PPARGC1A: variants seen among roughly 807,000 people sequenced by gnomAD.
PPARGC1A encodes peroxisome proliferator-activated receptor gamma coactivator 1-alpha.
In PPARGC1A, 25 loss-of-function variants were observed where a neutral mutation model predicts 88.7. The ratio of observed to expected loss-of-function variants is 0.28; its 90% CI spans 0.21 to 0.39. The LOEUF is 0.39. Among genes scored for constraint, PPARGC1A ranks in the 10% least tolerant of loss-of-function variants. The probability of loss-of-function intolerance (pLI) is 1.00; values close to 1 mark genes in which losing one functional copy is unlikely to be tolerated. For missense variants in PPARGC1A, 880 were observed against 968.7 expected (o/e 0.91, Z 1.22); for synonymous variants, 363 against 355.6 (o/e 1.02, Z -0.24).
chr4:24,340,470 T>A, the PPARGC1A span, among the ~76,000 whole-genome samples: 1 of 152,188 alleles, frequency 6.6e-6, no homozygotes, highest in Admixed American at 6.5e-5. Context: ...TTAAGAACTG[T>A]ATAGTACTCT....
At chr4:24,407,281 A>G in the PPARGC1A span, among the ~76,000 whole-genome samples, 12 of 152,302 alleles carry the variant, frequency 7.9e-5, no homozygotes, top group Non-Finnish European at 1.5e-5. Flanking sequence ...TTTTCTTTAA[A>G]ATAAAATTGT....
the PPARGC1A span, among the ~76,000 whole-genome samples, chr4:23,981,025 C>G: frequency 3.3e-5 from 5 of 152,130 alleles, no homozygotes; most frequent in South Asian, 1.0e-3. Flanking sequence ...TGTAATTTCT[C>G]CCTTGTCTCT....
the PPARGC1A span, among the ~76,000 whole-genome samples, chr4:24,069,702 C>T: frequency 6.6e-6 from 1 of 152,144 alleles, no homozygotes; most frequent in Non-Finnish European, 1.5e-5. Context: ...TAGGAGTCCA[C>T]ATGTAGAATA....
chr4:24,046,818 C>T, the PPARGC1A span, among the ~76,000 whole-genome samples: 1 of 152,144 alleles, frequency 6.6e-6, no homozygotes, highest in Non-Finnish European at 1.5e-5. Flanking sequence ...CATGCTGCCT[C>T]TCAAGCCGTG....
chr4:24,366,813 C>T, the PPARGC1A span, among the ~76,000 whole-genome samples: 1 of 152,130 alleles, frequency 6.6e-6, no homozygotes, highest in Non-Finnish European at 1.5e-5. Context: ...TGATAAAACG[C>T]CATAGAGATG....
the PPARGC1A span, among the ~76,000 whole-genome samples, chr4:24,446,375 T>C: frequency 4.2e-3 from 640 of 152,284 alleles, 5 homozygotes; most frequent in African/African-American, 0.015. Context: ...TTGTGTGTCT[T>C]CTTCGGAGAA....
chr4:24,121,741 T>G, the PPARGC1A span, among the ~76,000 whole-genome samples: 165 of 152,332 alleles, frequency 1.1e-3, no homozygotes, highest in African/African-American at 3.7e-3. Flanking sequence ...ATTATACTCC[T>G]GAGTTTAGGT....
the PPARGC1A span, among the ~76,000 whole-genome samples, chr4:24,182,668 T>C: frequency 6.6e-6 from 1 of 152,192 alleles, no homozygotes. Flanking sequence ...TGTTGTCTCC[T>C]GACTTTTTGA....
the PPARGC1A span, among the ~76,000 whole-genome samples, chr4:24,140,786 C>T: frequency 6.6e-6 from 1 of 152,182 alleles, no homozygotes; most frequent in African/African-American, 2.4e-5. Flanking sequence ...AAACCCCCAG[C>T]TCCTGATGAA....
chr4:24,467,870 T>C, the PPARGC1A span, among the ~76,000 whole-genome samples: 1 of 152,004 alleles, frequency 6.6e-6, no homozygotes. Flanking sequence ...GTCTGGAAAA[T>C]TTGGGAAGTG....
chr4:24,043,535 C>T, the PPARGC1A span, among the ~76,000 whole-genome samples: 1 of 152,074 alleles, frequency 6.6e-6, no homozygotes, highest in African/African-American at 2.4e-5. Context: ...TCATCTTTTC[C>T]CTCTACCAAT....
At chr4:24,435,162 A>G in the PPARGC1A span, among the ~76,000 whole-genome samples, 1 of 152,074 alleles carries the variant, frequency 6.6e-6, no homozygotes, top group Non-Finnish European at 1.5e-5. Context: ...ATACAGCCCT[A>G]TACCTAGACT....
At chr4:24,159,665 CCATCA>C in the PPARGC1A span, among the ~76,000 whole-genome samples, 1 of 152,066 alleles carries the variant, frequency 6.6e-6, no homozygotes, top group African/African-American at 2.4e-5. Context: ...ATGCAAATGC[CCATCA>C]CAAACAAGTC....
At chr4:24,278,402 T>G in the PPARGC1A span, among the ~76,000 whole-genome samples, 1 of 152,286 alleles carries the variant, frequency 6.6e-6, no homozygotes, top group South Asian at 2.1e-4. Flanking sequence ...GCTAATAAGA[T>G]GTATTTATTT....
At chr4:23,849,507 A>G (rs1728901097) in intron 2 of PPARGC1A, among the ~76,000 whole-genome samples, 1 of 152,226 alleles carries the variant, frequency 6.6e-6, no homozygotes, top group Admixed American at 6.5e-5. Context: ...CAAAACTGTC[A>G]TTTAAAAAAT....
At chr4:23,902,388 G>C (rs185326917), upstream of PPARGC1A, among the ~76,000 whole-genome samples, 27 of 152,260 alleles carry the variant, frequency 1.8e-4, no homozygotes, top group East Asian at 4.3e-3. Flanking sequence ...GGCGCTACTC[G>C]CATCACAATC....
At chr4:23,818,651 A>T (rs1260682159) in intron 7 of PPARGC1A, among the ~76,000 whole-genome samples, 2 of 151,960 alleles carry the variant, frequency 1.3e-5, no homozygotes, top group Non-Finnish European at 2.9e-5. Flanking sequence ...CTCTACAGTC[A>T]TCTTTTTAAA....
the PPARGC1A span, among the ~76,000 whole-genome samples, chr4:24,298,191 A>AG: frequency 3.4e-4 from 51 of 151,598 alleles, no homozygotes; most frequent in African/African-American, 1.2e-3. Flanking sequence ...CAAATGAAAA[A>AG]AAAAAAGATA....
chr4:24,044,699 G>C, the PPARGC1A span, among the ~76,000 whole-genome samples: 1 of 152,126 alleles, frequency 6.6e-6, no homozygotes, highest in Admixed American at 6.5e-5. Flanking sequence ...ATCTCAAAAT[G>C]GCATGTGGTG....
Sources: gnomAD v4.1 joint callset for allele counts (sites outside exome capture counted in the v4.1 genomes callset) on GRCh38, gnomAD v4.1.1 for gene constraint, MANE v1.5 for transcripts, NCBI Gene and HGNC (gene_info 2026-07-23, HGNC 2026-07-21) for gene names.